The following SPTBN1 variants were observed in gnomAD, a reference collection of about 807,000 sequenced individuals.
SPTBN1 encodes spectrin beta, non-erythrocytic 1.
A neutral mutation model predicts 266.4 loss-of-function variants in SPTBN1; 32 were observed. That is an observed-to-expected ratio of 0.12 (90% CI 0.09 to 0.16). SPTBN1 has a LOEUF of 0.16. SPTBN1 is among the 10% of genes least tolerant of loss of function. The pLI, the probability that SPTBN1 is intolerant of heterozygous loss-of-function variation, is 1.00. For synonymous variants in SPTBN1, 1,336 were observed against 1,162.2 expected, an observed-to-expected ratio of 1.15 and a Z score of -3.04; for missense variants, 2,296 against 3,067.1, an observed-to-expected ratio of 0.75 and a Z score of 5.94.
intron 1 of SPTBN1, among the ~76,000 whole-genome samples, chr2:54,459,893 AT>A (rs1372741383): frequency 6.6e-6 from 1 of 151,980 alleles, no homozygotes; most frequent in Admixed American, 6.6e-5. Context: ...TAGTACTCTG[AT>A]TTTTCCGGTA....
rs139179596 is a variant in SPTBN1, at chr2:54,655,679, C to T, written c.5962-235C>T. On this transcript the variant is annotated intron_variant, in intron 28 of 35. Transcript: ENST00000356805. ...ACGTGTTTGCCGCAGGGAGCCTCCTCACGACAAAACAGCTTTGGCAGGGCT... is the reference window on the plus strand; with the variant it reads ...ACGTGTTTGCCGCAGGGAGCCTCCTTACGACAAAACAGCTTTGGCAGGGCT... Among the ~76,000 whole-genome samples the T allele has an allele frequency of 8.7e-3, 1,330 of 152,366 alleles. 13 individuals carry two copies. Among genetic ancestry groups the T allele is most frequent in the South Asian group, 0.06 (288 of 4,830 alleles).
rs1681579051 is a variant in SPTBN1, at chr2:54,669,137, C to T, written c.*568C>T. The T allele has an allele frequency of 6.5e-6, 1 of 153,262 alleles. No homozygotes were observed. The allele number at this position is 153,262 out of a possible 1,614,324, so 9.5% of individuals were successfully genotyped here. A position where few individuals can be genotyped will look rare whatever the true frequency, so the allele number is the denominator to read the frequency against. On this transcript the variant is annotated 3_prime_UTR_variant, in exon 36 of 36. Transcript: ENST00000356805. ...TTGTATCTGGCATCACTTACTAACA[C>T]ACGACATGCGGCTTTTCTGCATCAA...
chr2:54,465,639 CATATAT>C (rs70944167), intron 1 of SPTBN1, among the ~76,000 whole-genome samples: 64 of 116,344 alleles, frequency 5.5e-4, no homozygotes, highest in Middle Eastern at 3.9e-3. Context: ...ATGTTTATCT[CATATAT>C]ATATATATAT....
At chr2:54,470,673 A>G (rs565438458) in intron 1 of SPTBN1, among the ~76,000 whole-genome samples, 2 of 152,234 alleles carry the variant, frequency 1.3e-5, no homozygotes, top group South Asian at 2.1e-4. Context: ...ATGTATTGCT[A>G]TGTTAAATTG....
intron 7 of SPTBN1, among the ~76,000 whole-genome samples, chr2:54,621,188 C>T (rs1182340212): frequency 2.0e-5 from 3 of 152,122 alleles, no homozygotes; most frequent in Non-Finnish European, 4.4e-5. Context: ...CTGTGGAAGG[C>T]GTTTCATGAA....
Position 54,629,284 on chromosome 2 carries a change from A to G in SPTBN1, c.2150A>G (p.Glu717Gly), listed in dbSNP as rs766133768. 14 of 1,613,938 alleles carry G rather than the reference A, an allele frequency of 8.7e-6. No homozygotes were observed. In the Admixed American group the frequency reaches 2.2e-4, roughly 25 times the overall value. The change falls in exon 14 of 36, where the codon GAG becomes GGG. Residue 717 changes from glutamate to glycine, a missense_variant. Transcript: ENST00000356805. ...EEHFGSEKIR[E>G]RIIYIREQWA... ...CACTTCGGGTCGGAGAAGATCCGTG[A>G]GAGGATCATTTACATCCGGGAGCAG...
intron 1 of SPTBN1, among the ~76,000 whole-genome samples, chr2:54,519,191 T>C (rs1670282328): frequency 6.6e-6 from 1 of 152,108 alleles, no homozygotes; most frequent in Admixed American, 6.5e-5. Context: ...AGGCAGCCCA[T>C]TTAGAAACAA....
At chr2:54,488,749 G>GA (rs1211954024) in intron 1 of SPTBN1, among the ~76,000 whole-genome samples, 10 of 151,608 alleles carry the variant, frequency 6.6e-5, no homozygotes, top group Admixed American at 6.6e-5. Context: ...TTTGTGTAGG[G>GA]AAAAAAAATA....
At chr2:54,511,324 A>G (rs1011872595) in intron 1 of SPTBN1, among the ~76,000 whole-genome samples, 12 of 152,176 alleles carry the variant, frequency 7.9e-5, no homozygotes, top group African/African-American at 2.9e-4. Flanking sequence ...GCAGGCCTCT[A>G]ATGGATTCCA....
intron 12 of SPTBN1, among the ~76,000 whole-genome samples, chr2:54,627,849 A>T (rs1678458950): frequency 8.3e-6 from 1 of 120,270 alleles, no homozygotes; most frequent in East Asian, 3.0e-4. Context: ...TTTTTAGTGT[A>T]GATTTGACTT....
chr2:54,616,052 A>G (rs552680399), intron 4 of SPTBN1, among the ~76,000 whole-genome samples, 155 bp from the exon 5 acceptor site: 2 of 152,324 alleles, frequency 1.3e-5, no homozygotes, highest in East Asian at 3.9e-4. Context: ...GTGAGCCCAG[A>G]CTTCAGGAAG....
chr2:54,519,000 C>G (rs1269482043), intron 1 of SPTBN1, among the ~76,000 whole-genome samples: 1 of 151,728 alleles, frequency 6.6e-6, no homozygotes. Context: ...TTCACTCTTT[C>G]ATTAGCAGCC....
intron 1 of SPTBN1, among the ~76,000 whole-genome samples, chr2:54,466,893 A>G (rs929489644): frequency 2.0e-5 from 3 of 152,240 alleles, no homozygotes; most frequent in African/African-American, 7.2e-5. Flanking sequence ...AGATATAAAG[A>G]ACACTGAAAT....
intron 1 of SPTBN1, among the ~76,000 whole-genome samples, chr2:54,493,001 CTTTTTT>C (rs70944171): frequency 8.9e-6 from 1 of 112,894 alleles, no homozygotes; most frequent in Non-Finnish European, 1.8e-5. Flanking sequence ...AATAACATAT[CTTTTTT>C]TTTTTTTTTT....
In SPTBN1 at chr2:54,649,341, C is replaced by T; in HGVS notation, c.5202+151C>T. On this transcript the variant is annotated intron_variant, in intron 25 of 35. Coordinates refer to ENST00000356805, the MANE Select transcript of SPTBN1 (RefSeq NM_003128.3). The surrounding 1 kb of genome is among the most constrained non-coding windows in gnomAD (Gnocchi z 6.7). ...TTTAAGGTGGTGTTTCTTTTATAAG[C>T]TGGTGACTCGCATTTAGGTTGGCTA... 3 of 1,034,562 alleles carry T rather than the reference C, an allele frequency of 2.9e-6. No homozygotes were observed. The highest frequency in any genetic ancestry group is 2.7e-6 in the Non-Finnish European group (2 of 731,542). The allele number at this position is 1,034,562 out of a possible 1,614,324, so 64.1% of individuals were successfully genotyped here.
In SPTBN1 at chr2:54,539,548, C is replaced by G. The variant is rs56261204; in HGVS notation, c.148+12982C>G. ...TATCTTTTGAGATATTTTCTGTGTA[C>G]TTTTTTGTTGAGACAGGGTCTTGCT... On this transcript the variant is annotated intron_variant, in intron 2 of 35. Transcript: ENST00000356805. 1.8e-3 allele frequency among the ~76,000 whole-genome samples: 279 copies of G among 152,068 alleles called. 1 individual carries two copies. The highest frequency in any genetic ancestry group is 6.4e-3 in the African/African-American group (265 of 41,504).
chr2:54,463,511 C>T (rs1693474190), intron 1 of SPTBN1, among the ~76,000 whole-genome samples: 1 of 152,156 alleles, frequency 6.6e-6, no homozygotes, highest in African/African-American at 2.4e-5. Flanking sequence ...ACCCACCCAC[C>T]TCGCTCACAC....
At chr2:54,577,619 A>G (rs1442926782) in intron 2 of SPTBN1, among the ~76,000 whole-genome samples, 1 of 152,224 alleles carries the variant, frequency 6.6e-6, no homozygotes. Context: ...GTATTGATTC[A>G]TATGCTCCTC....
chr2:54,666,190 CT>C (rs1243758538), intron 34 of SPTBN1, 102 bp downstream of exon 34: 9 of 1,234,802 alleles, frequency 7.3e-6, no homozygotes, highest in Non-Finnish European at 1.0e-5. Flanking sequence ...TTGGTTCTGT[CT>C]TCTGCCATTT....
Sources: allele counts gnomAD v4.1 joint callset (sites outside exome capture counted in the v4.1 genomes callset), GRCh38; gene constraint gnomAD v4.1.1; non-coding constraint Gnocchi (gnomAD v3.1); transcripts MANE v1.5; gene names NCBI Gene and HGNC (gene_info 2026-07-23, HGNC 2026-07-21).